TRIP12: variants seen among roughly 807,000 people sequenced by gnomAD.
TRIP12 encodes thyroid hormone receptor interactor 12.
Under a neutral mutation model 244.2 loss-of-function variants are expected in TRIP12, and 25 were observed. That is an observed-to-expected ratio of 0.10 (90% confidence interval 0.07 to 0.14). TRIP12 has a LOEUF of 0.14. TRIP12 is among the 10% of genes least tolerant of loss of function. TRIP12 has a pLI of 1.00. For missense variants in TRIP12, 1,677 were observed against 2,486.4 expected, an observed-to-expected ratio of 0.67 and a Z score of 6.92; for synonymous variants, 905 against 873.1, an observed-to-expected ratio of 1.04 and a Z score of -0.64.
At chr2:229,805,321 A>G (rs565749456) in intron 18 of TRIP12, among the ~76,000 whole-genome samples, 3 of 152,354 alleles carry the variant, frequency 2.0e-5, no homozygotes, top group African/African-American at 7.2e-5. Context: ...GGGGACAGAT[A>G]AATGTCAGAA....
intron 4 of TRIP12, among the ~76,000 whole-genome samples, chr2:229,841,559 T>C (rs550033542): frequency 6.6e-6 from 1 of 152,178 alleles, no homozygotes; most frequent in Non-Finnish European, 1.5e-5. Flanking sequence ...TAAGTAAAGT[T>C]TATTACTATT....
intron 39 of TRIP12, among the ~76,000 whole-genome samples, chr2:229,770,987 A>G (rs945697933): frequency 6.6e-6 from 1 of 152,206 alleles, no homozygotes; most frequent in Non-Finnish European, 1.5e-5. Flanking sequence ...CAGCAGCATG[A>G]AAACAGACTA....
rs147568731 is a variant in TRIP12 at position 229,902,312 on chromosome 2, G to A, written c.-50+19568C>T. Among the ~76,000 whole-genome samples, 899 of 152,152 alleles carry A rather than the reference G, an allele frequency of 5.9e-3. 7 individuals are homozygous for A. Among genetic ancestry groups the A allele is most frequent in the African/African-American group, 0.02 (842 of 41,510 alleles). ...GCAGAATCACTTAAACCCAGGAGGC[G>A]GAGGTAGCAGTGAGCCGAGATCGCG... On this transcript the variant is annotated intron_variant, in intron 1 of 41. Transcript: ENST00000675903.
intron 23 of TRIP12, among the ~76,000 whole-genome samples, chr2:229,798,235 T>G (rs1413080205): frequency 6.6e-6 from 1 of 152,200 alleles, no homozygotes; most frequent in Non-Finnish European, 1.5e-5. Flanking sequence ...TAATAAGCTA[T>G]GGCAAATAAG....
At chr2:229,818,725 A>G (rs964805520) in intron 8 of TRIP12, among the ~76,000 whole-genome samples, 4 of 152,196 alleles carry the variant, frequency 2.6e-5, no homozygotes, top group African/African-American at 7.2e-5. Flanking sequence ...ACAGTTATAT[A>G]CTTCTGTCTT....
At position 229,764,572 on chromosome 2, in the gene TRIP12, T is replaced by C. The variant is rs923293131; in HGVS notation, c.*2982A>G. 6 of 151,878 alleles carry C rather than the reference T, an allele frequency of 4.0e-5. No individual in the cohort carries two copies. Among genetic ancestry groups the C allele is most frequent in the Admixed American group, 6.6e-5 (1 of 15,248 alleles). 9.4% of individuals were successfully genotyped at this position (151,878 alleles called of 1,614,324 possible). ...CTGAGCTCACGCTCACAGACAGGAG[T>C]CGAGAGTACAGCTGCAGCACCTGCT... On this transcript the variant is annotated 3_prime_UTR_variant, in exon 42 of 42. Coordinates refer to ENST00000675903, the MANE Select transcript of TRIP12 (RefSeq NM_001348323.3).
chr2:229,920,939 G>A (rs181893713), intron 1 of TRIP12, among the ~76,000 whole-genome samples: 2 of 152,178 alleles, frequency 1.3e-5, no homozygotes, highest in African/African-American at 4.8e-5. Flanking sequence ...GTAAATAATA[G>A]GTTTTATGTA....
intron 13 of TRIP12, among the ~76,000 whole-genome samples, chr2:229,813,307 C>T (rs1043934190): frequency 2.6e-5 from 4 of 152,056 alleles, no homozygotes; most frequent in African/African-American, 7.2e-5. Flanking sequence ...AATAACAAAG[C>T]CATCCCTTAA....
intron 27 of TRIP12, 112 bp downstream of exon 27, chr2:229,792,861 T>G: frequency 8.8e-7 from 1 of 1,137,112 alleles, no homozygotes; most frequent in Non-Finnish European, 1.2e-6. Flanking sequence ...GTTCCTGCCA[T>G]CTATTTTTTA....
chr2:229,797,367 C>T (rs1221273511), intron 24 of TRIP12, among the ~76,000 whole-genome samples: 1 of 152,172 alleles, frequency 6.6e-6, no homozygotes, highest in African/African-American at 2.4e-5. Flanking sequence ...GAAGGCCTAT[C>T]ATCTATACCT....
rs2065256563 is a variant in TRIP12, at chr2:229,883,338, G to A, written c.-49-3210C>T. On this transcript the variant is annotated intron_variant, in intron 1 of 41. Coordinates refer to ENST00000675903, the MANE Select transcript of TRIP12 (RefSeq NM_001348323.3). ...TTCTCTACGCAATGAATTACAGAATGTTTTCCTTATAGAATATTCTGTACT... is the reference window on the plus strand; with the variant it reads ...TTCTCTACGCAATGAATTACAGAATATTTTCCTTATAGAATATTCTGTACT... Among the ~76,000 whole-genome samples, 5 of 152,260 alleles carry A rather than the reference G, an allele frequency of 3.3e-5. No homozygotes were observed. The South Asian group carries it at 8.3e-4, about 25-fold the overall frequency.
chr2:229,831,042 A>T, intron 6 of TRIP12: 6 of 694,676 alleles, frequency 8.6e-6, no homozygotes, highest in Admixed American at 2.3e-5. Flanking sequence ...TTTTAGTATT[A>T]AAAAGGTTGT....
rs2057897276 is a variant in TRIP12 at position 229,847,876 on chromosome 2, T to C, written c.1028-6949A>G. Among the ~76,000 whole-genome samples the C allele has an allele frequency of 3.3e-5, 5 of 152,288 alleles. No individual in the cohort carries two copies. In the South Asian group the frequency reaches 1.0e-3, roughly 32 times the overall value. The stretch of plus-strand genomic sequence containing the variant: ...AGGAAGTATAGAATATAGAAATTCC[T>C]GACTAAAGTACACAGTACAAATAGG... On this transcript the variant is annotated intron_variant, in intron 4 of 41. Transcript: ENST00000675903.
chr2:229,846,302 A>G (rs542058578), intron 4 of TRIP12, among the ~76,000 whole-genome samples: 1 of 152,298 alleles, frequency 6.6e-6, no homozygotes, highest in Admixed American at 6.5e-5. Flanking sequence ...TGAAACTTCC[A>G]CAATCACACC....
Position 229,864,047 on chromosome 2 carries a change from A to AGTGTGTGTGT in TRIP12, c.99-3526_99-3517dup, listed in dbSNP as rs371818159. Among the ~76,000 whole-genome samples the AGTGTGTGTGT allele has an allele frequency of 1.0e-4, 8 of 79,308 alleles. No individual in the cohort carries two copies. The East Asian group carries it at 1.3e-3, about 13-fold the overall frequency. 52.0% of individuals were successfully genotyped at this position (79,308 alleles called of 152,430 possible). The stretch of plus-strand genomic sequence containing the variant: ...GAGAGAGAGAGAGAGAGAGAGAGAG[A>AGTGTGTGTGT]GTGTGTGTGTGTGTGTGTGTGTGTG... On this transcript the variant is annotated intron_variant, in intron 2 of 41. Transcript: ENST00000675903.
chr2:229,841,159 T>C (rs2056337721), intron 4 of TRIP12, among the ~76,000 whole-genome samples: 1 of 152,218 alleles, frequency 6.6e-6, no homozygotes, highest in Non-Finnish European at 1.5e-5. Context: ...TGACCCAAGC[T>C]ATCCCCAAAG....
intron 20 of TRIP12, 33 bp downstream of exon 20, chr2:229,803,538 A>C: frequency 7.3e-7 from 1 of 1,372,766 alleles, no homozygotes; most frequent in Non-Finnish European, 1.0e-6. Context: ...AGTACTATCT[A>C]GACTAAATGA....
chr2:229,837,233 A>G (rs2055062679), intron 5 of TRIP12, among the ~76,000 whole-genome samples: 1 of 152,232 alleles, frequency 6.6e-6, no homozygotes, highest in Non-Finnish European at 1.5e-5. Context: ...TCAGAAACAG[A>G]AACGATTTTT....
intron 1 of TRIP12, among the ~76,000 whole-genome samples, chr2:229,915,822 T>C (rs2075278444): frequency 6.6e-6 from 1 of 152,018 alleles, no homozygotes; most frequent in Admixed American, 6.6e-5. Flanking sequence ...GCCTCCCAGG[T>C]AGCTGAAGAC....
Sources: gnomAD v4.1 joint callset for allele counts (sites outside exome capture counted in the v4.1 genomes callset) on GRCh38, gnomAD v4.1.1 for gene constraint, MANE v1.5 for transcripts, NCBI Gene and HGNC (gene_info 2026-07-23, HGNC 2026-07-21) for gene names.